ZNF721: variants seen among roughly 807,000 people sequenced by gnomAD.
The protein encoded by ZNF721 is zinc finger protein 721.
In ZNF721, 2 loss-of-function variants were observed where a neutral mutation model predicts 2.4. The ratio of observed to expected loss-of-function variants is 0.82; its 90% CI spans 0.34 to 2.58. ZNF721 has a LOEUF of 2.58. ZNF721 is among the 30% of genes most tolerant of loss of function. The probability of loss-of-function intolerance (pLI) is 0.11; values close to 1 mark genes in which losing one functional copy is unlikely to be tolerated. For synonymous variants in ZNF721, 398 were observed against 381.8 expected, an observed-to-expected ratio of 1.04 and a Z score of -0.50; for missense variants, 1,187 against 1,085.5, an observed-to-expected ratio of 1.09 and a Z score of -1.31.
chr4:477,196 A>G (rs929757328), intron 1 of ZNF721, among the ~76,000 whole-genome samples: 1 of 151,978 alleles, frequency 6.6e-6, no homozygotes, highest in Non-Finnish European at 1.5e-5. Flanking sequence ...CCTTCTGGGA[A>G]AACATGGAAA....
rs1715656751 is a variant in ZNF721, at chr4:477,337, A to AAG, written c.-93-4637_-93-4636insCT. The stretch of plus-strand genomic sequence containing the variant: ...ACTGCAAGCTCCGCCTCCTGGGTTC[A>AAG]TGCCATTCTCCTGCCTCAGCCTCCC... On this transcript the variant is annotated intron_variant, in intron 1 of 2. Transcript: ENST00000511833. 6.1e-5 allele frequency among the ~76,000 whole-genome samples: 8 copies of AAG among 131,228 alleles called. No individual in the cohort carries two copies. The Admixed American group carries it at 6.7e-4, about 11-fold the overall frequency. The allele number at this position is 131,228 out of a possible 152,430, so 86.1% of individuals were successfully genotyped here.
At chr4:450,097 T>C (rs767245832) in intron 2 of ZNF721, among the ~76,000 whole-genome samples, 1 of 152,220 alleles carries the variant, frequency 6.6e-6, no homozygotes, top group East Asian at 1.9e-4. Flanking sequence ...GAAAAAATAA[T>C]TGAAATTGCT....
chr4:490,335 G>A (rs1195058481), intron 1 of ZNF721, among the ~76,000 whole-genome samples: 4 of 152,002 alleles, frequency 2.6e-5, no homozygotes, highest in African/African-American at 4.8e-5. Context: ...AATTAGCCAG[G>A]TGTGGTGGCA....
chr4:462,873 C>A (rs1369219134), intron 2 of ZNF721, among the ~76,000 whole-genome samples: 1 of 152,142 alleles, frequency 6.6e-6, no homozygotes, highest in East Asian at 1.9e-4. Context: ...ACACCAAAAG[C>A]AATGGCAACA....
chr4:479,923 T>A (rs1460484533), intron 1 of ZNF721, among the ~76,000 whole-genome samples: 1 of 152,280 alleles, frequency 6.6e-6, no homozygotes, highest in African/African-American at 2.4e-5. Context: ...CTAGGTTGTA[T>A]ACAGGATTGT....
At chr4:452,797 C>A (rs1450301204) in intron 2 of ZNF721, among the ~76,000 whole-genome samples, 3 of 152,172 alleles carry the variant, frequency 2.0e-5, no homozygotes, top group Non-Finnish European at 2.9e-5. Flanking sequence ...CTGCTTCAAC[C>A]ATGAGGTCTT....
In ZNF721 at chr4:441,174, G is replaced by C. The variant is rs1161862264; in HGVS notation, c.*521C>G. ...TTTATCTTTGTATTCTCTGTCTTAA[G>C]ACTATTCTTCACTTTAATGGCCTAT... On this transcript the variant is annotated 3_prime_UTR_variant, in exon 3 of 3. Transcript: ENST00000511833. 2.0e-5 allele frequency: 3 copies of C among 149,802 alleles called. No homozygotes were observed. Among genetic ancestry groups the C allele is most frequent in the African/African-American group, 5.3e-5 (2 of 37,440 alleles). The allele number at this position is 149,802 out of a possible 1,614,324, so 9.3% of individuals were successfully genotyped here.
At position 443,212 on chromosome 4, in the gene ZNF721, A is replaced by G; in HGVS notation, c.1255T>C (p.Cys419Arg). The G allele has an allele frequency of 1.2e-6, 2 of 1,613,746 alleles. No individual in the cohort carries two copies. The highest frequency in any genetic ancestry group is 1.3e-5 in the African/African-American group (1 of 74,996). Residue 419 changes from cysteine (C) to arginine (R), a missense_variant, in exon 3 of 3, where the codon TGT becomes CGT. Coordinates refer to ENST00000511833, the MANE Select transcript of ZNF721 (RefSeq NM_133474.4). Reference sequence around the variant, plus strand: ...CCAAAGGCTCTGCCACGATCTTCACATGTGTAGGGTTTCTCTCTGGTGTGA... The same window carrying G: ...CCAAAGGCTCTGCCACGATCTTCACGTGTGTAGGGTTTCTCTCTGGTGTGA... ...RIHTREKPYT[C>R]EDRGRAFGLS...
At chr4:474,028 C>A (rs1715551033) in intron 1 of ZNF721, 1 of 1,499,526 alleles carries the variant, frequency 6.7e-7, no homozygotes, top group African/African-American at 1.4e-5. Context: ...ACGAATCATC[C>A]AATACCCGCA....
chr4:450,956 A>AAATATAT (rs1714637638), intron 2 of ZNF721, among the ~76,000 whole-genome samples: 2 of 63,768 alleles, frequency 3.1e-5, no homozygotes, highest in African/African-American at 1.5e-4. Flanking sequence ...AAAAAAAAAA[A>AAATATAT]ATATATATAT....
chr4:491,096 C>T (rs1359682702), intron 1 of ZNF721, among the ~76,000 whole-genome samples: 2 of 152,144 alleles, frequency 1.3e-5, no homozygotes, highest in African/African-American at 4.8e-5. Flanking sequence ...AATACTGACA[C>T]GTGCATCCTT....
intron 1 of ZNF721, among the ~76,000 whole-genome samples, chr4:490,110 A>G (rs61793732): frequency 0.25 from 37,189 of 151,558 alleles, 4,633 homozygotes; most frequent in Middle Eastern, 0.33. Context: ...CACCCACCTC[A>G]ACCTCCCAAA....
chr4:469,040 C>G (rs1489230889), intron 2 of ZNF721, among the ~76,000 whole-genome samples: 6 of 152,148 alleles, frequency 3.9e-5, no homozygotes, highest in African/African-American at 1.4e-4. Context: ...AAAAACTGAA[C>G]TAATAAATGC....
At chr4:471,010 A>G (rs1476241544) in intron 2 of ZNF721, among the ~76,000 whole-genome samples, 6 of 152,180 alleles carry the variant, frequency 3.9e-5, no homozygotes, top group African/African-American at 1.4e-4. Context: ...AAAAAAAAAA[A>G]AAAGAAGTTA....
Position 488,010 on chromosome 4 carries a change from G to A in ZNF721, c.-94+11046C>T, listed in dbSNP as rs879962877. Among the ~76,000 whole-genome samples the A allele has an allele frequency of 2.6e-5, 4 of 152,136 alleles. No individual in the cohort carries two copies. The South Asian group carries it at 6.2e-4, about 24-fold the overall frequency. ...CTTCATCTGCATGGGGTACCAATTC[G>A]CCTCAGCCTTTGATTAGCCAAGGAC... On this transcript the variant is annotated intron_variant, in intron 1 of 2. Coordinates refer to ENST00000511833, the MANE Select transcript of ZNF721 (RefSeq NM_133474.4).
At chr4:473,926 C>A in intron 1 of ZNF721, 1 of 1,496,164 alleles carries the variant, frequency 6.7e-7, no homozygotes, top group South Asian at 1.1e-5. Context: ...CGCCATTTGC[C>A]GCCGGTTCTG....
Position 458,140 on chromosome 4 carries a change from T to C in ZNF721, c.35-13708A>G, listed in dbSNP as rs146598681. ...ACAGCGGGAGCCACACCTGCTCACA[T>C]TGATTTGTATCAGCACCTTAATCTG... is the stretch of plus-strand genomic sequence containing the variant. On this transcript the variant is annotated intron_variant, in intron 2 of 2. Transcript: ENST00000511833. 3.0e-3 allele frequency among the ~76,000 whole-genome samples: 452 copies of C among 152,374 alleles called. 1 individual carries two copies. The highest frequency in any genetic ancestry group is 0.011 in the African/African-American group (443 of 41,590).
At chr4:457,203 C>A (rs528508341) in intron 2 of ZNF721, among the ~76,000 whole-genome samples, 6 of 152,180 alleles carry the variant, frequency 3.9e-5, no homozygotes, top group African/African-American at 1.4e-4. Context: ...AATTTGAAAT[C>A]AGATAAATTT....
chr4:441,950 AC>A lies in ZNF721; in HGVS notation c.2516del (p.Cys839LeufsTer120). 6.2e-7 allele frequency: 1 copy of A among 1,614,102 alleles called. No homozygotes were observed. The highest frequency in any genetic ancestry group is 1.7e-5 in the Admixed American group (1 of 60,026). On this transcript the variant is annotated frameshift_variant, in exon 3 of 3. Transcript: ENST00000511833. LOFTEE classifies it low-confidence loss of function (END_TRUNC). ...RIHTGEKPYT[C>X]EECGKAFRQS... ...GTCTAAAGGCTTTGCCACATTCTTC[AC>A]ATGTGTAGGGTTTCTCTCCAGTATG...
Sources: gnomAD v4.1 joint callset for allele counts (sites outside exome capture counted in the v4.1 genomes callset) on GRCh38, gnomAD v4.1.1 for gene constraint, MANE v1.5 for transcripts, NCBI Gene and HGNC (gene_info 2026-07-23, HGNC 2026-07-21) for gene names.